Variants in CRTAP observed in about 807,000 individuals in gnomAD.
The protein encoded by CRTAP is cartilage associated protein, also known as cartilage-associated protein.
Under a neutral mutation model 42.7 loss-of-function variants are expected in CRTAP, and 33 were observed. The observed-to-expected ratio is 0.77, with a 90% CI of 0.59 to 1.03. The LOEUF is 1.03. CRTAP is among the 50% of genes least tolerant of loss of function. CRTAP has a pLI of 0.00. For missense variants in CRTAP, 613 were observed against 533.9 expected (o/e 1.15, Z -1.46); for synonymous variants, 243 against 217.7 (o/e 1.12, Z -1.02).
chr3:33,123,225 G>A (rs2029940207), intron 2 of CRTAP, among the ~76,000 whole-genome samples: 1 of 152,200 alleles, frequency 6.6e-6, no homozygotes, highest in South Asian at 2.1e-4. Context: ...CATTGTCGGA[G>A]GAAGTGGGGT....
At chr3:33,131,005 T>G (rs1031243213) in intron 4 of CRTAP, among the ~76,000 whole-genome samples, 2 of 152,202 alleles carry the variant, frequency 1.3e-5, no homozygotes, top group African/African-American at 4.8e-5. Flanking sequence ...CTTTGCCAAG[T>G]GCCACTTGTT....
At chr3:33,121,079 G>A (rs2029871373) in intron 2 of CRTAP, among the ~76,000 whole-genome samples, 1 of 152,116 alleles carries the variant, frequency 6.6e-6, no homozygotes, top group Non-Finnish European at 1.5e-5. Flanking sequence ...CAGGCACTGG[G>A]GGCCTGGGTT....
intron 6 of CRTAP, among the ~76,000 whole-genome samples, chr3:33,135,670 C>G (rs1042151154): frequency 2.0e-5 from 3 of 151,302 alleles, no homozygotes; most frequent in Non-Finnish European, 4.4e-5. Flanking sequence ...GTTGAGTTCC[C>G]AGTTATCTAG....
In CRTAP at chr3:33,114,095, GGGGGCCGC is replaced by G; in HGVS notation, c.21_28del (p.Ala10SerfsTer148). On this transcript the variant is annotated frameshift_variant, in exon 1 of 7. Transcript: ENST00000320954. LOFTEE classifies it high-confidence loss of function. ...CGGGCGCGATGGAGCCGGGGCGCCG[GGGGGCCGC>G]GGCGCTGCTAGCGCTGCTGTGCGTG... 1 of 1,464,596 alleles carries G rather than the reference GGGGGCCGC, an allele frequency of 6.8e-7. No individual in the cohort carries two copies. Among genetic ancestry groups the G allele is most frequent in the South Asian group, 1.3e-5 (1 of 76,086 alleles). The allele number at this position is 1,464,596 out of a possible 1,614,324, so 90.7% of individuals were successfully genotyped here. A position where few individuals can be genotyped will look rare whatever the true frequency, so the allele number is the denominator to read the frequency against.
Position 33,114,536 on chromosome 3 carries a change from C to G in CRTAP, c.459C>G (p.Phe153Leu), listed in dbSNP as rs531119589. The G allele has an allele frequency of 5.9e-5, 95 of 1,599,966 alleles. No individual in the cohort carries two copies. The South Asian group carries it at 9.8e-4, about 16-fold the overall frequency. The change falls in exon 1 of 7, where the codon TTC becomes TTG. Residue 153 changes from phenylalanine (F) to leucine (L), a missense_variant. Coordinates refer to ENST00000320954, the MANE Select transcript of CRTAP (RefSeq NM_006371.5). ...QRREPYKFLQFAYFKANNLPK... is the reference protein window; with the variant it reads ...QRREPYKFLQLAYFKANNLPK... ...GCGAGCCCTACAAGTTCCTGCAGTT[C>G]GCTTACTTCAAGGCAAGTCCGCCTC...
rs751526019 is a variant in CRTAP, at chr3:33,145,571, C to T, written c.*3123C>T. ...GACTAGAAAGTAGTGGGGGACCCAG[C>T]GAGTGGACGCCCTGCTCCGGGATTC... On this transcript the variant is annotated 3_prime_UTR_variant, in exon 7 of 7. Coordinates refer to ENST00000320954, the MANE Select transcript of CRTAP (RefSeq NM_006371.5). This position sits in a 1 kb window ranked among gnomAD's most constrained non-coding sequence, Gnocchi z 4.3. 2.6e-5 allele frequency: 4 copies of T among 152,390 alleles called. No individual in the cohort carries two copies. Among genetic ancestry groups the T allele is most frequent in the Non-Finnish European group, 4.4e-5 (3 of 68,228 alleles). 9.4% of individuals were successfully genotyped at this position (152,390 alleles called of 1,614,324 possible).
intron 1 of CRTAP, among the ~76,000 whole-genome samples, chr3:33,117,343 C>G (rs1397837155): frequency 6.6e-6 from 1 of 152,044 alleles, no homozygotes; most frequent in African/African-American, 2.4e-5. Flanking sequence ...TGGTGGGTTC[C>G]GACTGCCAGA....
intron 1 of CRTAP, among the ~76,000 whole-genome samples, chr3:33,116,417 G>A (rs1394264899): frequency 6.6e-6 from 1 of 152,150 alleles, no homozygotes; most frequent in Non-Finnish European, 1.5e-5. Context: ...GGAATGCAGT[G>A]GCACGATCTC....
intron 3 of CRTAP, among the ~76,000 whole-genome samples, chr3:33,126,067 A>G (rs1402646277): frequency 2.6e-5 from 4 of 152,236 alleles, no homozygotes; most frequent in African/African-American, 9.6e-5. Flanking sequence ...AGCACCATCC[A>G]TCTCTAGAAC....
intron 1 of CRTAP, among the ~76,000 whole-genome samples, chr3:33,117,083 G>A (rs1426750143): frequency 6.6e-6 from 1 of 152,026 alleles, no homozygotes; most frequent in Non-Finnish European, 1.5e-5. Context: ...CTCCAGCCTG[G>A]GTGACAGAAC....
rs563611428 is a variant in CRTAP at position 33,126,217 on chromosome 3, C to G, written c.793+1638C>G. Among the ~76,000 whole-genome samples, 7 of 152,352 alleles carry G rather than the reference C, an allele frequency of 4.6e-5. No homozygotes were observed. In the East Asian group the frequency reaches 1.3e-3, roughly 29 times the overall value. ...GATACATCACGTAAGTGGAGTCATA[C>G]AGTATTTGCCTTTTTGTGACTGACT... On this transcript the variant is annotated intron_variant, in intron 3 of 6. Coordinates refer to ENST00000320954, the MANE Select transcript of CRTAP (RefSeq NM_006371.5).
In CRTAP at chr3:33,120,462, A is replaced by G. The variant is rs771364390; in HGVS notation, c.590A>G (p.Tyr197Cys). Residue 197 changes from tyrosine to cysteine, a missense_variant, in exon 2 of 7, where the codon TAC (tyrosine) becomes TGC (cysteine). Coordinates refer to ENST00000320954, the MANE Select transcript of CRTAP (RefSeq NM_006371.5). ...YYKSLPGAED[Y>C]IKDLETKSYE... ...AAGAGCCTGCCTGGTGCCGAGGACT[A>G]CATTAAAGACCTGGAAACCAAGTCA... The G allele has an allele frequency of 6.2e-6, 10 of 1,610,822 alleles. No individual in the cohort carries two copies. Among genetic ancestry groups the G allele is most frequent in the Admixed American group, 1.7e-5 (1 of 59,992 alleles).
intron 6 of CRTAP, among the ~76,000 whole-genome samples, chr3:33,135,821 ATAT>A (rs1209781595): frequency 5.9e-5 from 9 of 152,132 alleles, no homozygotes; most frequent in Middle Eastern, 6.8e-3. Context: ...TTTTCACTTT[ATAT>A]TATTATGTGA....
intron 1 of CRTAP, among the ~76,000 whole-genome samples, chr3:33,119,158 C>T (rs955412266): frequency 7.9e-5 from 12 of 152,140 alleles, no homozygotes; most frequent in African/African-American, 2.7e-4. Flanking sequence ...TTGGCCCCTT[C>T]AATGGAGAGA....
At chr3:33,128,913 A>G (rs562814400) in intron 3 of CRTAP, among the ~76,000 whole-genome samples, 1 of 152,336 alleles carries the variant, frequency 6.6e-6, no homozygotes, top group East Asian at 1.9e-4. Flanking sequence ...GTTACTCTCA[A>G]CATGTCATTG....
intron 2 of CRTAP, among the ~76,000 whole-genome samples, chr3:33,122,732 A>AAAAAAAAAAAAAC: frequency 6.8e-6 from 1 of 146,200 alleles, no homozygotes; most frequent in African/African-American, 2.5e-5. Context: ...AAAAAAAAAA[A>AAAAAAAAAAAAAC]GAAGAAGAAA....
chr3:33,122,510 C>T (rs1407801092), intron 2 of CRTAP, among the ~76,000 whole-genome samples: 1 of 151,790 alleles, frequency 6.6e-6, no homozygotes, highest in Non-Finnish European at 1.5e-5. Flanking sequence ...AGTTCAAGAC[C>T]AGCTGGGGCA....
In CRTAP at chr3:33,124,547, A is replaced by G. The variant is rs114245114; in HGVS notation, c.761A>G (p.Lys254Arg). The G allele has an allele frequency of 4.6e-5, 74 of 1,614,228 alleles. No homozygotes were observed. The African/African-American group carries it at 6.5e-4, about 14-fold the overall frequency. Residue 254 changes from lysine to arginine, a missense_variant, in exon 3 of 7, where the codon AAG becomes AGG. Physicochemically the swap from Lys to Arg is conservative, Grantham distance 26 (BLOSUM62 2). Coordinates refer to ENST00000320954, the MANE Select transcript of CRTAP (RefSeq NM_006371.5). ...LAACEGSREI[K>R]DFKDFYLSIA... is the part of the protein sequence containing the mutation. ...GCCTGCGAGGGTTCCAGGGAGATCAAGGACTTCAAGGATTTCTACCTTTCC... is the reference window on the plus strand; with the variant it reads ...GCCTGCGAGGGTTCCAGGGAGATCAGGGACTTCAAGGATTTCTACCTTTCC...
intron 3 of CRTAP, among the ~76,000 whole-genome samples, chr3:33,127,803 G>T (rs1348368359): frequency 6.7e-6 from 1 of 149,452 alleles, no homozygotes; most frequent in Non-Finnish European, 1.5e-5. Flanking sequence ...CTGGAGTGCA[G>T]TGGTGCGATC....
Sources: gnomAD v4.1 joint callset for allele counts (sites outside exome capture counted in the v4.1 genomes callset) on GRCh38, gnomAD v4.1.1 for gene constraint, Gnocchi (gnomAD v3.1) non-coding constraint, MANE v1.5 for transcripts, NCBI Gene and HGNC (gene_info 2026-07-23, HGNC 2026-07-21) for gene names.